SNRNP25: variants seen among roughly 807,000 people sequenced by gnomAD.
SNRNP25 encodes small nuclear ribonucleoprotein U11/U12 subunit 25, also known as U11/U12 small nuclear ribonucleoprotein 25 kDa protein.
In SNRNP25, 21 loss-of-function variants were observed where a neutral mutation model predicts 23.9. The observed-to-expected ratio is 0.88, with a 90% CI of 0.62 to 1.27. SNRNP25 has a LOEUF of 1.27. Among genes scored for constraint, SNRNP25 ranks in the 50% most tolerant of loss-of-function variants. SNRNP25 has a pLI of 0.00. For missense variants in SNRNP25, 160 were observed against 156.9 expected, an observed-to-expected ratio of 1.02 and a Z score of -0.11; for synonymous variants, 63 against 60.4, an observed-to-expected ratio of 1.04 and a Z score of -0.20.
chr16:54,202 C>T (rs1002565896), intron 1 of SNRNP25, 144 bp downstream of exon 1: 22 of 940,530 alleles, frequency 2.3e-5, no homozygotes, highest in South Asian at 4.6e-5. Flanking sequence ...GGGTTTTAAC[C>T]TTGACCGGGC....
chr16:56,056 G>C, intron 3 of SNRNP25, 174 bp downstream of exon 3: 1 of 672,610 alleles, frequency 1.5e-6, no homozygotes, highest in Non-Finnish European at 2.6e-6. Flanking sequence ...GACAGTGCGG[G>C]TCGTTCTGTG....
Position 55,566 on chromosome 16 carries a change from T to C in SNRNP25, c.133+17T>C. The C allele has an allele frequency of 1.2e-6, 2 of 1,613,264 alleles. No individual in the cohort carries two copies. Among genetic ancestry groups the C allele is most frequent in the Non-Finnish European group, 1.7e-6 (2 of 1,179,318 alleles). On this transcript the variant is annotated intron_variant, in intron 2 of 4. Transcript: ENST00000293861. ...AAGTAATGCGTAAGTGCTACCCTCC[T>C]CCCTTCAGGTTATGTGGTCCAGGCT...
chr16:55,660 C>T (rs1477833401), intron 2 of SNRNP25, 111 bp downstream of exon 2: 4 of 1,531,738 alleles, frequency 2.6e-6, no homozygotes, highest in Non-Finnish European at 3.6e-6. Context: ...CCCAGGGGTA[C>T]TGGGGCAACC....
At chr16:54,194 G>T (rs1897378150) in intron 1 of SNRNP25, 136 bp downstream of exon 1, 4 of 1,030,328 alleles carry the variant, frequency 3.9e-6, no homozygotes, top group Non-Finnish European at 5.7e-6. Context: ...GTAAACGAGG[G>T]TTTTAACCTT....
chr16:55,195 G>T, intron 1 of SNRNP25: 1 of 425,916 alleles, frequency 2.3e-6, no homozygotes. Context: ...CCTGGGGGCA[G>T]GTCCTCATGT....
chr16:55,203 T>G, intron 1 of SNRNP25: 3 of 434,342 alleles, frequency 6.9e-6, no homozygotes, highest in Admixed American at 3.7e-5. Context: ...CAGGTCCTCA[T>G]GTGAGTTTAT....
At position 54,008 on chromosome 16, in the gene SNRNP25, G is replaced by A. The variant is rs1350948607; in HGVS notation, c.-9G>A. ...CGAGGCCATGGACGTGTTCCAGGAG[G>A]GTCTGGCTATGGTGGTGCAGGACCC... On this transcript the variant is annotated 5_prime_UTR_variant, in exon 1 of 5. Coordinates refer to ENST00000293861, the MANE Select transcript of SNRNP25 (RefSeq NM_024571.4). The A allele has an allele frequency of 6.2e-7, 1 of 1,610,288 alleles. No homozygotes were observed. Among genetic ancestry groups the A allele is most frequent in the Non-Finnish European group, 8.5e-7 (1 of 1,179,116 alleles).
In SNRNP25 at chr16:57,560, G is replaced by A. The variant is rs534553905; in HGVS notation, c.*417G>A. ...GGCGAGTCCTATAGTCCAAGATGGC[G>A]CCACACCACCAAAGCCTTGAGGCCA... is the stretch of plus-strand genomic sequence containing the variant. On this transcript the variant is annotated 3_prime_UTR_variant, in exon 5 of 5. Transcript: ENST00000293861. 9.7e-5 allele frequency: 19 copies of A among 195,260 alleles called. No homozygotes were observed. The highest frequency in any genetic ancestry group is 2.3e-3 in the Middle Eastern group (1 of 432). 12.1% of individuals were successfully genotyped at this position (195,260 alleles called of 1,614,324 possible). A position where few individuals can be genotyped will look rare whatever the true frequency, so the allele number is the denominator to read the frequency against.
At chr16:56,342 G>A (rs767806119) in intron 3 of SNRNP25, 197 bp from the exon 4 acceptor site, 12 of 718,524 alleles carry the variant, frequency 1.7e-5, no homozygotes, top group South Asian at 6.0e-5. Context: ...TGGCCAAGCC[G>A]CCCCAGACAG....
At chr16:56,300 C>G in intron 3 of SNRNP25, 1 of 707,906 alleles carries the variant, frequency 1.4e-6, no homozygotes, top group Non-Finnish European at 2.6e-6. Context: ...TGAGTCTCAA[C>G]ACTGTCGCCT....
intron 3 of SNRNP25, 82 bp from the exon 4 acceptor site, chr16:56,457 C>T: frequency 4.5e-6 from 6 of 1,336,330 alleles, no homozygotes; most frequent in South Asian, 1.2e-5. Context: ...CATAGGACTG[C>T]ATGCCTCAAG....
chr16:54,929 C>T (rs1441954209), intron 1 of SNRNP25: 1 of 156,438 alleles, frequency 6.4e-6, no homozygotes. Flanking sequence ...ATCCGCCCGC[C>T]TCGGCCTCCC....
chr16:55,879 G>A lies in SNRNP25; in HGVS notation c.236G>A (p.Ser79Asn). ...CGTGAAGGGGGCATTCAGCACATCA[G>A]CTGGTAAGTGGAACAACATTCCCTT... ...QEREGGIQHI[S>N]WSYVWRTYHL... Residue 79 changes from serine to asparagine, a missense_variant, in exon 3 of 5, where the codon AGC becomes AAC. Ser to Asn is a conservative substitution (Grantham distance 46, BLOSUM62 1). Coordinates refer to ENST00000293861, the MANE Select transcript of SNRNP25 (RefSeq NM_024571.4). The A allele has an allele frequency of 6.2e-7, 1 of 1,613,650 alleles. No individual in the cohort carries two copies. The highest frequency in any genetic ancestry group is 8.5e-7 in the Non-Finnish European group (1 of 1,179,764).
At chr16:54,377 G>T (rs1433780886) in intron 1 of SNRNP25, among the ~76,000 whole-genome samples, 2 of 152,140 alleles carry the variant, frequency 1.3e-5, no homozygotes, top group African/African-American at 4.8e-5. Flanking sequence ...AGCCTCCCGA[G>T]TAATTGGGAC....
At chr16:55,919 G>A (rs377145612) in intron 3 of SNRNP25, 37 bp downstream of exon 3, 25 of 1,577,544 alleles carry the variant, frequency 1.6e-5, no homozygotes, top group South Asian at 6.8e-5. Flanking sequence ...ATAGCCCTTC[G>A]TGGGGCTAGT....
rs771582472 is a variant in SNRNP25, at chr16:56,510, C to T, written c.240-29C>T. 7.5e-6 allele frequency: 12 copies of T among 1,610,474 alleles called. No homozygotes were observed. In the Middle Eastern group the frequency reaches 6.6e-4, roughly 88 times the overall value. ...CACTCAGCTCACCCTGCTCAGGGCA[C>T]GTGGTTTACCTGCATTCCCCTCTTG... is the stretch of plus-strand genomic sequence containing the variant. On this transcript the variant is annotated intron_variant, in intron 3 of 4. Coordinates refer to ENST00000293861, the MANE Select transcript of SNRNP25 (RefSeq NM_024571.4).
Position 55,455 on chromosome 16 carries a change from G to C in SNRNP25, c.43-4G>C. On this transcript the variant is annotated splice_polypyrimidine_tract_variant and splice_region_variant and intron_variant, in intron 1 of 4. Coordinates refer to ENST00000293861, the MANE Select transcript of SNRNP25 (RefSeq NM_024571.4). Reference sequence around the variant, plus strand: ...TTCCCACTTCTGCCCTTGGTCTTTTGTAGGTTACTCTGGAAGAAGTCAACT... The same window carrying C: ...TTCCCACTTCTGCCCTTGGTCTTTTCTAGGTTACTCTGGAAGAAGTCAACT... 6.2e-7 allele frequency: 1 copy of C among 1,614,050 alleles called. No homozygotes were observed. Among genetic ancestry groups the C allele is most frequent in the Non-Finnish European group, 8.5e-7 (1 of 1,179,932 alleles).
At chr16:55,301 T>G in intron 1 of SNRNP25, 158 bp from the exon 2 acceptor site, 1 of 639,486 alleles carries the variant, frequency 1.6e-6, no homozygotes, top group Non-Finnish European at 2.9e-6. Context: ...AGATTGGGGC[T>G]CTGATGAATT....
Position 56,704 on chromosome 16 carries a change from T to C in SNRNP25, c.314+91T>C, listed in dbSNP as rs114513216. The C allele has an allele frequency of 4.8e-3, 6,663 of 1,392,048 alleles. 34 individuals are homozygous for C. Among genetic ancestry groups the C allele is most frequent in the Non-Finnish European group, 4.6e-3 (4,535 of 988,328 alleles). 86.2% of individuals were successfully genotyped at this position (1,392,048 alleles called of 1,614,324 possible). On this transcript the variant is annotated intron_variant, in intron 4 of 4. Transcript: ENST00000293861. The stretch of plus-strand genomic sequence containing the variant: ...TCTGCCAGAGGGCTGCGGCTCCCTC[T>C]CCGGAGATAACACCCTCCTCCAAGG...
Sources: gnomAD v4.1 joint callset for allele counts (sites outside exome capture counted in the v4.1 genomes callset) on GRCh38, gnomAD v4.1.1 for gene constraint, MANE v1.5 for transcripts, NCBI Gene and HGNC (gene_info 2026-07-23, HGNC 2026-07-21) for gene names.